Variants in GALNT17 observed in about 807,000 individuals in gnomAD.
GALNT17 encodes the protein UDP-GalNAc:polypeptide N-acetylgalactosaminyltransferase-like 3.
A neutral mutation model predicts 63.7 loss-of-function variants in GALNT17; 29 were observed. That is an observed-to-expected ratio of 0.46 (90% CI 0.34 to 0.62). The LOEUF (loss-of-function observed/expected upper bound fraction) is 0.62, where lower values mean the gene tolerates loss of function less well. Ranked by LOEUF, GALNT17 falls within the 20% of genes least tolerant of loss-of-function variation. The probability of loss-of-function intolerance (pLI) is 0.01; values close to 1 mark genes in which losing one functional copy is unlikely to be tolerated. For missense variants in GALNT17, 603 were observed against 799.6 expected (o/e 0.75, Z 2.97); for synonymous variants, 305 against 318.3 (o/e 0.96, Z 0.45).
intron 1 of GALNT17, among the ~76,000 whole-genome samples, chr7:71,182,738 C>T (rs1016721606): frequency 3.2e-4 from 49 of 152,002 alleles, no homozygotes; most frequent in African/African-American, 1.0e-3. Context: ...CAGAGCTGGC[C>T]GGCTCCAGCA....
At chr7:71,174,435 A>G (rs959851555) in intron 1 of GALNT17, among the ~76,000 whole-genome samples, 3 of 152,154 alleles carry the variant, frequency 2.0e-5, no homozygotes, top group Non-Finnish European at 4.4e-5. Flanking sequence ...CAAATGAAGA[A>G]GAGGCTGGTG....
chr7:71,201,961 T>A (rs768701350), intron 1 of GALNT17, among the ~76,000 whole-genome samples: 37 of 152,308 alleles, frequency 2.4e-4, no homozygotes, highest in Non-Finnish European at 4.4e-4. Flanking sequence ...CTTTAAACAT[T>A]TGGGATCTAT....
At chr7:71,333,542 T>TTTTTTG (rs372747205) in intron 1 of GALNT17, among the ~76,000 whole-genome samples, 4 of 152,154 alleles carry the variant, frequency 2.6e-5, no homozygotes, top group South Asian at 2.1e-4. Context: ...ATATTTAGCA[T>TTTTTTG]TTTTTGTTTT....
At chr7:71,418,276 C>G (rs1353202929) in intron 4 of GALNT17, among the ~76,000 whole-genome samples, 1 of 152,178 alleles carries the variant, frequency 6.6e-6, no homozygotes, top group African/African-American at 2.4e-5. Context: ...GACGCATTTT[C>G]CACACTTCTA....
chr7:71,668,248 A>T (rs1260544430), intron 7 of GALNT17, among the ~76,000 whole-genome samples: 1 of 151,700 alleles, frequency 6.6e-6, no homozygotes, highest in Non-Finnish European at 1.5e-5. Flanking sequence ...AATGACCATT[A>T]GCTCACGCCT....
At chr7:71,525,512 T>C (rs952991131) in intron 5 of GALNT17, among the ~76,000 whole-genome samples, 1 of 151,376 alleles carries the variant, frequency 6.6e-6, no homozygotes, top group Non-Finnish European at 1.5e-5. Flanking sequence ...GGCCAACTGT[T>C]CTTGTGGTAA....
intron 5 of GALNT17, among the ~76,000 whole-genome samples, chr7:71,430,047 A>C (rs757985532): frequency 6.6e-6 from 1 of 151,562 alleles, no homozygotes; most frequent in South Asian, 2.1e-4. Context: ...GGGTCTTGCT[A>C]TGTTGCCCAG....
Position 71,427,483 on chromosome 7 carries a change from G to A in GALNT17, c.962+6378G>A, listed in dbSNP as rs111323820. ...GTTTTCAATGTCCACACCACATTGG[G>A]GTGTAGGAAATCTGAACCTCCAGGT... is the stretch of plus-strand genomic sequence containing the variant. On this transcript the variant is annotated intron_variant, in intron 5 of 10. Transcript: ENST00000333538. Among the ~76,000 whole-genome samples, 10 of 151,950 alleles carry A rather than the reference G, an allele frequency of 6.6e-5. No individual in the cohort carries two copies. The South Asian group carries it at 8.3e-4, about 13-fold the overall frequency.
chr7:71,303,162 C>CT (rs35900409), intron 1 of GALNT17, among the ~76,000 whole-genome samples: 39 of 146,798 alleles, frequency 2.7e-4, no homozygotes, highest in African/African-American at 6.5e-4. Flanking sequence ...TGCACCCAGC[C>CT]TTTTTTTTTT....
At chr7:71,588,392 A>G (rs771680164) in intron 6 of GALNT17, among the ~76,000 whole-genome samples, 1 of 152,210 alleles carries the variant, frequency 6.6e-6, no homozygotes. Context: ...TCCCTAGGAT[A>G]TATTCCATTA....
intron 5 of GALNT17, among the ~76,000 whole-genome samples, chr7:71,555,463 C>T (rs759129046): frequency 7.1e-6 from 1 of 141,776 alleles, no homozygotes; most frequent in African/African-American, 2.7e-5. Flanking sequence ...GAACTCATTA[C>T]CATGGGGAGA....
intron 1 of GALNT17, among the ~76,000 whole-genome samples, chr7:71,307,175 T>C (rs1249534685): frequency 2.0e-5 from 3 of 152,074 alleles, no homozygotes; most frequent in Non-Finnish European, 4.4e-5. Flanking sequence ...TCCTGGATCC[T>C]GTGGTAATTC....
intron 1 of GALNT17, among the ~76,000 whole-genome samples, chr7:71,203,154 A>G (rs1343556529): frequency 1.3e-5 from 2 of 152,162 alleles, no homozygotes; most frequent in South Asian, 2.1e-4. Flanking sequence ...GTTCCAATGG[A>G]TATGTACCCA....
chr7:71,394,140 AGCATCT>A (rs1309444886), intron 3 of GALNT17, among the ~76,000 whole-genome samples: 1 of 152,178 alleles, frequency 6.6e-6, no homozygotes, highest in Non-Finnish European at 1.5e-5. Flanking sequence ...GCATGATGCC[AGCATCT>A]GCTTCTGGTG....
intron 5 of GALNT17, among the ~76,000 whole-genome samples, chr7:71,447,111 A>G (rs1309504341): frequency 2.0e-5 from 3 of 152,150 alleles, no homozygotes; most frequent in Non-Finnish European, 2.9e-5. Flanking sequence ...AATTCAATTC[A>G]ATTATGACAC....
chr7:71,582,902 C>A (rs1191502835), intron 6 of GALNT17, among the ~76,000 whole-genome samples: 2 of 152,180 alleles, frequency 1.3e-5, no homozygotes, highest in East Asian at 3.9e-4. Flanking sequence ...CAAAATCTCA[C>A]AAATCGCCAC....
At chr7:71,138,361 T>C (rs1024557320) in intron 1 of GALNT17, among the ~76,000 whole-genome samples, 1 of 152,028 alleles carries the variant, frequency 6.6e-6, no homozygotes, top group African/African-American at 2.4e-5. Flanking sequence ...ATATATTTAC[T>C]ATTAATTGAG....
intron 5 of GALNT17, among the ~76,000 whole-genome samples, chr7:71,538,312 C>A (rs951993394): frequency 1.3e-5 from 2 of 152,056 alleles, no homozygotes; most frequent in African/African-American, 4.8e-5. Context: ...TTTCAAGCAC[C>A]CCTCTCCTCC....
chr7:71,359,009 A>G (rs1164452064), intron 2 of GALNT17, among the ~76,000 whole-genome samples: 2 of 152,136 alleles, frequency 1.3e-5, no homozygotes, highest in African/African-American at 4.8e-5. Context: ...TCCTGACCTC[A>G]AGTGATCCTC....
Sources: gnomAD v4.1 joint callset for allele counts (sites outside exome capture counted in the v4.1 genomes callset) on GRCh38, gnomAD v4.1.1 for gene constraint, MANE v1.5 for transcripts, NCBI Gene and HGNC (gene_info 2026-07-23, HGNC 2026-07-21) for gene names.